Variants in FLG observed in about 807,000 individuals in gnomAD.
FLG encodes the protein filaggrin.
FLG carries 6 observed loss-of-function variants against 3.8 expected under a neutral mutation model. That is an observed-to-expected ratio of 1.60 (90% CI 0.87 to 3.15). The LOEUF is 3.15. Among genes scored for constraint, FLG ranks in the 30% most tolerant of loss-of-function variants. The pLI is 0.00. For synonymous variants in FLG, 2,551 were observed against 1,931.6 expected, an observed-to-expected ratio of 1.32 and a Z score of -8.41; for missense variants, 7,595 against 5,050.9, an observed-to-expected ratio of 1.50 and a Z score of -15.27.
Position 152,305,424 on chromosome 1 carries a change from C to T in FLG, c.9462G>A (p.Gly3154=), listed in dbSNP as rs1424035748. 1.9e-6 allele frequency: 3 copies of T among 1,600,810 alleles called. No individual in the cohort carries two copies. Among genetic ancestry groups the T allele is most frequent in the Non-Finnish European group, 2.5e-6 (3 of 1,177,706 alleles). Residue 3154 remains glycine, a synonymous_variant, in exon 3 of 3, where the codon GGG becomes GGA. Transcript: ENST00000368799. ...TSQGRSDASR[G]QSGSRSASRT... The stretch of plus-strand genomic sequence containing the variant: ...TGCTTGCACTTCTGGATCCTGACTG[C>T]CCACGGGAGGCATCAGACCTTCCCT...
Position 152,310,482 on chromosome 1 carries a change from G to A in FLG, c.4404C>T (p.Ser1468=). ...AGCTGTTTCGTGCCTGCTCATGGCG[G>A]GATCCTTGTCTTCCTCCAGTGCTGG... ...TAPSTGGRQG[S]RHEQARNSSR... is the part of the protein sequence containing the mutation. The change falls in exon 3 of 3, where the codon TCC becomes TCT. Residue 1468 remains serine (S), a synonymous_variant. Coordinates refer to ENST00000368799, the MANE Select transcript of FLG (RefSeq NM_002016.2). The A allele has an allele frequency of 6.2e-7, 1 of 1,613,774 alleles. No homozygotes were observed. The highest frequency in any genetic ancestry group is 1.3e-5 in the African/African-American group (1 of 74,952).
chr1:152,302,460 T>C lies in FLG; in HGVS notation c.*240A>G, dbSNP rs1220438965. The C allele has an allele frequency of 5.6e-6, 3 of 538,560 alleles. No homozygotes were observed. The African/African-American group carries it at 5.7e-5, about 10-fold the overall frequency. The allele number at this position is 538,560 out of a possible 1,614,324, so 33.4% of individuals were successfully genotyped here. ...GAATCTCCTAAAATACTCCAGCTAG[T>C]TTTCTAAAGTTAGCTCTCCATGATA... On this transcript the variant is annotated 3_prime_UTR_variant, in exon 3 of 3. Coordinates refer to ENST00000368799, the MANE Select transcript of FLG (RefSeq NM_002016.2).
rs754812742 is a variant in FLG at position 152,310,981 on chromosome 1, G to A, written c.3905C>T (p.Ser1302Leu). ...CCCAGGGTGTCTGGAGCCATCTCTT[G>A]ACTGCTCCCGAGAAGATCCATGATG... ...RNHHGSSREQ[S>L]RDGSRHPGFH... Residue 1302 changes from serine (S) to leucine (L), a missense_variant, in exon 3 of 3, where the codon TCA (serine) becomes TTA (leucine). Ser to Leu is a moderately radical substitution (Grantham distance 145). Coordinates refer to ENST00000368799, the MANE Select transcript of FLG (RefSeq NM_002016.2). 19 of 1,613,850 alleles carry A rather than the reference G, an allele frequency of 1.2e-5. No homozygotes were observed. In the South Asian group the frequency reaches 1.9e-4, roughly 16 times the overall value.
chr1:152,311,375 AC>A lies in FLG; in HGVS notation c.3510del (p.Ser1171GlnfsTer15), dbSNP rs1370544496. 5 of 1,609,510 alleles carry A rather than the reference AC, an allele frequency of 3.1e-6. No homozygotes were observed. The highest frequency in any genetic ancestry group is 4.2e-6 in the Non-Finnish European group (5 of 1,179,128). On this transcript the variant is annotated frameshift_variant, in exon 3 of 3. Transcript: ENST00000368799. LOFTEE classifies it low-confidence loss of function (END_TRUNC). ...EGQDTIRAHP[G>X]SRRGGRQGSH... ...GATCCCTGCCTTCCTCCTCTCCTTG[AC>A]CCCGGGTGTGCACGAATGGTGTCCT...
Position 152,308,607 on chromosome 1 carries a change from C to A in FLG, c.6279G>T (p.Gln2093His), listed in dbSNP as rs763927334. Residue 2093 changes from glutamine to histidine, a missense_variant, in exon 3 of 3, where the codon CAG becomes CAT. By Grantham distance (24) the Gln-to-His change is conservative (BLOSUM62 0). Transcript: ENST00000368799. ...ACTCAGACTGTTCATGAGTGCTCAC[C>A]TGGTAGAGGAAAGACCCTGAACGTC... ...SSGRSGSFLYQVSTHEQSEST... is the reference protein window; with the variant it reads ...SSGRSGSFLYHVSTHEQSEST... 6.2e-7 allele frequency: 1 copy of A among 1,614,104 alleles called. No homozygotes were observed. Among genetic ancestry groups the A allele is most frequent in the Non-Finnish European group, 8.5e-7 (1 of 1,180,000 alleles).
chr1:152,309,503 C>A lies in FLG; in HGVS notation c.5383G>T (p.Glu1795Ter), dbSNP rs140424742. 24 of 1,613,814 alleles carry A rather than the reference C, an allele frequency of 1.5e-5. No homozygotes were observed. The highest frequency in any genetic ancestry group is 1.3e-4 in the East Asian group (6 of 44,792). The change falls in exon 3 of 3, where the codon GAG (glutamate) becomes TAG (stop). Residue 1795 changes from glutamate (E) to a stop codon, truncating the protein, a stop_gained. Transcript: ENST00000368799. LOFTEE classifies it low-confidence loss of function (END_TRUNC). Reference sequence around the variant, plus strand: ...TGCCTGGAGCTGTCTCGTGCCTGCTCGTGGCGGGATCTTTGTCTTCCTCCA... The same window carrying A: ...TGCCTGGAGCTGTCTCGTGCCTGCTAGTGGCGGGATCTTTGTCTTCCTCCA... ...STGGRQRSRH[E>*]QARDSSRHSA...
Position 152,307,275 on chromosome 1 carries a change from A to T in FLG, c.7611T>A (p.Ala2537=). The change falls in exon 3 of 3, where the codon GCT becomes GCA. Residue 2537 remains alanine, a synonymous_variant. Transcript: ENST00000368799. ...SRHSGSRHHE[A]SSRADSSGHS... is the part of the protein sequence containing the mutation. ...GTCCAGAGCTGTCGGCCCGAGAGGA[A>T]GCTTCATGGTGACGCGACCCTGAGT... The T allele has an allele frequency of 6.2e-7, 1 of 1,613,060 alleles. No homozygotes were observed. The highest frequency in any genetic ancestry group is 8.5e-7 in the Non-Finnish European group (1 of 1,179,912).
rs528722713 is a variant in FLG at position 152,307,637 on chromosome 1, G to A, written c.7249C>T (p.Gln2417Ter). The A allele has an allele frequency of 2.3e-5, 37 of 1,613,550 alleles. No homozygotes were observed. In the East Asian group the frequency reaches 7.8e-4, roughly 34 times the overall value. Residue 2417 changes from glutamine (Q) to a stop codon, truncating the protein, a stop_gained, in exon 3 of 3, where the codon CAG becomes TAG. Transcript: ENST00000368799. LOFTEE classifies it low-confidence loss of function (END_TRUNC). ...TCAGACTGTTCATGAGTGCTCACCT[G>A]GTAGAGGAAAGACCCTGAACGTCCA... ...RSGRSGSFLYQVSTHEQSESA... is the reference protein window; with the variant it reads ...RSGRSGSFLY
rs1419082158 is a variant in FLG, at chr1:152,305,333, C to T, written c.9553G>A (p.Ala3185Thr). The change falls in exon 3 of 3, where the codon GCT becomes ACT. Residue 3185 changes from alanine to threonine, a missense_variant. Ala to Thr is a moderately conservative substitution (Grantham distance 58, BLOSUM62 0). Coordinates refer to ENST00000368799, the MANE Select transcript of FLG (RefSeq NM_002016.2). ...SRHSVSRHHE[A>T]STHADISRHS... Reference sequence around the variant, plus strand: ...CTAGAGATGTCGGCATGAGTGGAAGCTTCATGGTGACGTGACACTGAGTGC... The same window carrying T: ...CTAGAGATGTCGGCATGAGTGGAAGTTTCATGGTGACGTGACACTGAGTGC... 6.2e-7 allele frequency: 1 copy of T among 1,609,560 alleles called. No individual in the cohort carries two copies. The highest frequency in any genetic ancestry group is 1.1e-5 in the South Asian group (1 of 90,494).
In FLG at chr1:152,308,079, T is replaced by C; in HGVS notation, c.6807A>G (p.Gly2269=). ...CATCTCTTGACTGCTCCTGAGCAGA[T>C]CCATGATGGTTTCTGGACGCAGACC... ...RSGSASRNHH[G]SAQEQSRDGS... is the part of the protein sequence containing the mutation. The change falls in exon 3 of 3, where the codon GGA becomes GGG. Residue 2269 remains glycine (G), a synonymous_variant. Coordinates refer to ENST00000368799, the MANE Select transcript of FLG (RefSeq NM_002016.2). 2 of 1,614,020 alleles carry C rather than the reference T, an allele frequency of 1.2e-6. No individual in the cohort carries two copies. The highest frequency in any genetic ancestry group is 1.1e-5 in the South Asian group (1 of 91,068).
rs762274526 is a variant in FLG at position 152,303,304 on chromosome 1, G to C, written c.11582C>G (p.Ser3861Cys). 2.5e-6 allele frequency: 4 copies of C among 1,613,966 alleles called. No homozygotes were observed. The highest frequency in any genetic ancestry group is 3.4e-6 in the Non-Finnish European group (4 of 1,180,024). ...AGSRRSRRQG[S>C]SVSQDSDSEA... Reference sequence around the variant, plus strand: ...ACTGTCACTGTCCTGGCTAACACTGGATCCCTGGCGCCTGCTTCTCCTGGA... The same window carrying C: ...ACTGTCACTGTCCTGGCTAACACTGCATCCCTGGCGCCTGCTTCTCCTGGA... Residue 3861 changes from serine to cysteine, a missense_variant, in exon 3 of 3, where the codon TCC becomes TGC. Ser to Cys is a moderately radical substitution (Grantham distance 112, BLOSUM62 -1). Coordinates refer to ENST00000368799, the MANE Select transcript of FLG (RefSeq NM_002016.2).
At chr1:152,324,179 C>T (rs1415676303) in intron 1 of FLG, among the ~76,000 whole-genome samples, 1 of 151,832 alleles carries the variant, frequency 6.6e-6, no homozygotes, top group African/African-American at 2.4e-5. Flanking sequence ...CCTGCTCCTG[C>T]TCTTGCCTTC....
chr1:152,311,650 T>C lies in FLG; in HGVS notation c.3236A>G (p.Glu1079Gly), dbSNP rs910422214. The change falls in exon 3 of 3, where the codon GAG (glutamate) becomes GGG (glycine). Residue 1079 changes from glutamate (E) to glycine (G), a missense_variant. Coordinates refer to ENST00000368799, the MANE Select transcript of FLG (RefSeq NM_002016.2). ...TGACACTGACTGTGTGTCTGACTCC[T>C]CTGAATGTCCCTCACTATCACTGGC... ...SQASDSEGHS[E>G]ESDTQSVSGH... The C allele has an allele frequency of 3.8e-5, 62 of 1,614,148 alleles. No homozygotes were observed. The highest frequency in any genetic ancestry group is 5.2e-5 in the Non-Finnish European group (61 of 1,180,016).
Position 152,312,890 on chromosome 1 carries a change from C to G in FLG, c.1996G>C (p.Asp666His). Residue 666 changes from aspartate to histidine, a missense_variant, in exon 3 of 3, where the codon GAC becomes CAC. By Grantham distance (81) the Asp-to-His change is moderately conservative. Coordinates refer to ENST00000368799, the MANE Select transcript of FLG (RefSeq NM_002016.2). ...GSRHPRSHHEDRAGHGHSADS... is the reference protein window; with the variant it reads ...GSRHPRSHHEHRAGHGHSADS... Reference sequence around the variant, plus strand: ...GCAGAGTGCCCATGACCAGCTCTGTCTTCGTGATGGGACCTGGGGTGTCTG... The same window carrying G: ...GCAGAGTGCCCATGACCAGCTCTGTGTTCGTGATGGGACCTGGGGTGTCTG... 1 of 1,614,040 alleles carries G rather than the reference C, an allele frequency of 6.2e-7. No individual in the cohort carries two copies. The highest frequency in any genetic ancestry group is 8.5e-7 in the Non-Finnish European group (1 of 1,180,026).
chr1:152,309,434 C>A lies in FLG; in HGVS notation c.5452G>T (p.Gly1818Trp). ...EGQDTIRGHP[G>W]SSRGGRQGSH... is the part of the protein sequence containing the mutation. ...CCCTGCCTTCCTCCTCTGCTTGACC[C>A]TGGGTGTCCACGAATGGTGTCCTGA... Residue 1818 changes from glycine to tryptophan, a missense_variant, in exon 3 of 3, where the codon GGG (glycine) becomes TGG (tryptophan). Transcript: ENST00000368799. The A allele has an allele frequency of 3.1e-6, 5 of 1,613,528 alleles. No individual in the cohort carries two copies. Among genetic ancestry groups the A allele is most frequent in the Non-Finnish European group, 3.4e-6 (4 of 1,179,950 alleles).
chr1:152,312,882 A>T lies in FLG; in HGVS notation c.2004T>A (p.Ala668=), dbSNP rs542979983. ...RHPRSHHEDR[A]GHGHSADSSR... ...AGCTGTCTGCAGAGTGCCCATGACC[A>T]GCTCTGTCTTCGTGATGGGACCTGG... Residue 668 remains alanine (A), a synonymous_variant, in exon 3 of 3, where the codon GCT becomes GCA. Coordinates refer to ENST00000368799, the MANE Select transcript of FLG (RefSeq NM_002016.2). 1.9e-6 allele frequency: 3 copies of T among 1,612,796 alleles called. No individual in the cohort carries two copies. Among genetic ancestry groups the T allele is most frequent in the Non-Finnish European group, 1.7e-6 (2 of 1,179,050 alleles).
At chr1:152,323,388 A>G (rs1051233367) in intron 1 of FLG, among the ~76,000 whole-genome samples, 15 of 151,812 alleles carry the variant, frequency 9.9e-5, no homozygotes, top group Admixed American at 4.6e-4. Context: ...GATATACAAA[A>G]CACATTTAAC....
At chr1:152,315,277 A>G in intron 2 of FLG, 42 bp downstream of exon 2, 4 of 1,570,888 alleles carry the variant, frequency 2.5e-6, no homozygotes, top group Non-Finnish European at 3.4e-6. Flanking sequence ...TATTGATGAG[A>G]AAAACAAATG....
rs140188504 is a variant in FLG at position 152,312,863 on chromosome 1, C to A, written c.2023G>T (p.Asp675Tyr). The A allele has an allele frequency of 1.7e-5, 28 of 1,613,990 alleles. No individual in the cohort carries two copies. In the African/African-American group the frequency reaches 3.7e-4, roughly 22 times the overall value. ...EDRAGHGHSA[D>Y]SSRKSGTRHT... is the part of the protein sequence containing the mutation. ...CGAGTGCCTGATTTTCTGGAGCTGT[C>A]TGCAGAGTGCCCATGACCAGCTCTG... The change falls in exon 3 of 3, where the codon GAC becomes TAC. Residue 675 changes from aspartate to tyrosine, a missense_variant. Asp to Tyr is a radical substitution (Grantham distance 160, BLOSUM62 -3). Coordinates refer to ENST00000368799, the MANE Select transcript of FLG (RefSeq NM_002016.2).
Sources: allele counts gnomAD v4.1 joint callset (sites outside exome capture counted in the v4.1 genomes callset), GRCh38; gene constraint gnomAD v4.1.1; transcripts MANE v1.5; gene names NCBI Gene and HGNC (gene_info 2026-07-23, HGNC 2026-07-21).